Variants in LYAR observed in about 807,000 individuals in gnomAD.
The protein encoded by LYAR is cell growth-regulating nucleolar protein.
A neutral mutation model predicts 45.2 loss-of-function variants in LYAR; 37 were observed. The observed-to-expected ratio is 0.82, with a 90% CI of 0.63 to 1.08. LYAR has a LOEUF of 1.08. Ranked by LOEUF, LYAR falls within the 50% of genes least tolerant of loss-of-function variation. The pLI is 0.00. For missense variants in LYAR, 493 were observed against 451.0 expected (o/e 1.09, Z -0.84); for synonymous variants, 176 against 155.1 (o/e 1.14, Z -1.00).
chr4:4,271,925 C>T (rs1286960755), intron 8 of LYAR, among the ~76,000 whole-genome samples: 1 of 152,234 alleles, frequency 6.6e-6, no homozygotes, highest in Non-Finnish European at 1.5e-5. Flanking sequence ...GAATATTGGT[C>T]AGTTCAGCAA....
At chr4:4,271,656 T>C (rs1298474948) in intron 8 of LYAR, among the ~76,000 whole-genome samples, 4 of 152,230 alleles carry the variant, frequency 2.6e-5, no homozygotes, top group Non-Finnish European at 5.9e-5. Flanking sequence ...TTCCTTTTTC[T>C]CCACATCCTC....
intron 9 of LYAR, 150 bp from the exon 10 acceptor site, chr4:4,268,173 C>A (rs543891500): frequency 9.5e-6 from 6 of 630,608 alleles, no homozygotes; most frequent in Non-Finnish European, 1.5e-5. Context: ...AAAACCCAGG[C>A]GGCAGCCACG....
At chr4:4,281,960 C>T (rs1319629829) in intron 3 of LYAR, 63 bp from the exon 4 acceptor site, 5 of 947,392 alleles carry the variant, frequency 5.3e-6, no homozygotes, top group Non-Finnish European at 8.6e-6. Context: ...CTAATACCAG[C>T]ATGCTGCCAC....
chr4:4,288,845 C>T (rs1451643342), intron 1 of LYAR, among the ~76,000 whole-genome samples: 2 of 152,182 alleles, frequency 1.3e-5, no homozygotes, highest in South Asian at 2.1e-4. Context: ...ACATCATTAC[C>T]ACCACTACCA....
rs558004684 is a variant in LYAR at position 4,272,809 on chromosome 4, T to C, written c.919+774A>G. ...AACCCAATGCTGGCAGTCACTGAAC[T>C]CTGCTAATAAAGCTGCAGGCCCATT... On this transcript the variant is annotated intron_variant, in intron 8 of 9. Transcript: ENST00000343470. 1.2e-4 allele frequency among the ~76,000 whole-genome samples: 19 copies of C among 152,344 alleles called. No homozygotes were observed. The South Asian group carries it at 3.7e-3, about 30-fold the overall frequency.
chr4:4,284,848 C>T (rs1217490251), intron 2 of LYAR, among the ~76,000 whole-genome samples: 1 of 152,138 alleles, frequency 6.6e-6, no homozygotes, highest in African/African-American at 2.4e-5. Flanking sequence ...AGGTGAGGGT[C>T]AAGTAAACCG....
intron 1 of LYAR, among the ~76,000 whole-genome samples, chr4:4,286,988 T>A (rs2108853525): frequency 6.6e-6 from 1 of 152,322 alleles, no homozygotes; most frequent in South Asian, 2.1e-4. Context: ...CAAGTTTGGA[T>A]CATTTATGCT....
In LYAR at chr4:4,274,737, T is replaced by G. The variant is rs1374452106; in HGVS notation, c.462A>C (p.Pro154=). 2 of 1,610,716 alleles carry G rather than the reference T, an allele frequency of 1.2e-6. No individual in the cohort carries two copies. The highest frequency in any genetic ancestry group is 1.7e-6 in the Non-Finnish European group (2 of 1,179,272). ...EPVNKEQDQR[P]LHPVANPHAE... is the part of the protein sequence containing the mutation. ...CATGTGGATTTGCCACTGGGTGGAG[T>G]GGCCGTTGATCCTGTTCCTTATTGA... is the stretch of plus-strand genomic sequence containing the variant. Residue 154 remains proline (P), a synonymous_variant, in exon 7 of 10, where the codon CCA becomes CCC. Coordinates refer to ENST00000343470, the MANE Select transcript of LYAR (RefSeq NM_017816.3).
At chr4:4,281,981 G>T in intron 3 of LYAR, 84 bp from the exon 4 acceptor site, 1 of 796,674 alleles carries the variant, frequency 1.3e-6, no homozygotes, top group Non-Finnish European at 2.2e-6. Context: ...TATCTTCTGT[G>T]GTCTACACTG....
Position 4,274,531 on chromosome 4 carries a change from C to A in LYAR, c.668G>T (p.Arg223Leu). ...AAGGTCAGCCTCCTGTCCCTTTTTG[C>A]GCTTCTTAGGCTTCTGATTCCTTGA... ...ENSRNQKPKK[R>L]KKGQEADLEA... The change falls in exon 7 of 10, where the codon CGC becomes CTC. Residue 223 changes from arginine to leucine, a missense_variant. Physicochemically the swap from Arg to Leu is moderately radical, Grantham distance 102 (BLOSUM62 -2). Transcript: ENST00000343470. 1 of 1,614,170 alleles carries A rather than the reference C, an allele frequency of 6.2e-7. No homozygotes were observed. Among genetic ancestry groups the A allele is most frequent in the South Asian group, 1.1e-5 (1 of 91,082 alleles).
rs750777786 is a variant in LYAR at position 4,274,435 on chromosome 4, C to A, written c.764G>T (p.Arg255Leu). ...CTCTTCCTCACTGGCGCTGTCCTTGCGCTGCTTCTTCTTCTTGCTCCTCTT... is the reference window on the plus strand; with the variant it reads ...CTCTTCCTCACTGGCGCTGTCCTTGAGCTGCTTCTTCTTCTTGCTCCTCTT... ...AGKRSKKKKQRKDSASEEEAR... is the reference protein window; with the variant it reads ...AGKRSKKKKQLKDSASEEEAR... The change falls in exon 7 of 10, where the codon CGC becomes CTC. Residue 255 changes from arginine to leucine, a missense_variant. Arg to Leu is a moderately radical substitution (Grantham distance 102). Coordinates refer to ENST00000343470, the MANE Select transcript of LYAR (RefSeq NM_017816.3). 9 of 1,613,932 alleles carry A rather than the reference C, an allele frequency of 5.6e-6. No individual in the cohort carries two copies. The highest frequency in any genetic ancestry group is 5.0e-5 in the Admixed American group (3 of 59,998).
intron 2 of LYAR, 41 bp from the exon 3 acceptor site, chr4:4,283,836 C>G: frequency 1.1e-6 from 1 of 944,064 alleles, no homozygotes; most frequent in Non-Finnish European, 1.5e-6. Flanking sequence ...ACTGAAACTT[C>G]TCATTTCAAT....
chr4:4,272,936 C>G (rs1222552250), intron 8 of LYAR, among the ~76,000 whole-genome samples: 1 of 152,036 alleles, frequency 6.6e-6, no homozygotes, highest in Non-Finnish European at 1.5e-5. Context: ...GTGCTTCAGG[C>G]CTGAAGAAGC....
intron 3 of LYAR, among the ~76,000 whole-genome samples, chr4:4,282,867 T>C (rs1372359920): frequency 6.6e-6 from 1 of 152,142 alleles, no homozygotes; most frequent in Non-Finnish European, 1.5e-5. Flanking sequence ...GGACATAGTT[T>C]CCTCTGCTAC....
At chr4:4,281,645 G>C (rs950362220) in intron 4 of LYAR, 138 bp downstream of exon 4, 9 of 668,310 alleles carry the variant, frequency 1.3e-5, no homozygotes, top group East Asian at 2.5e-5. Context: ...AGAGGTTTTA[G>C]TTCAACCTGT....
intron 8 of LYAR, among the ~76,000 whole-genome samples, chr4:4,269,276 C>T (rs1166736339): frequency 6.6e-6 from 1 of 152,208 alleles, no homozygotes; most frequent in Non-Finnish European, 1.5e-5. Context: ...CAGAAGCCTG[C>T]TCTCTTGGCA....
intron 4 of LYAR, among the ~76,000 whole-genome samples, chr4:4,280,776 C>T (rs983101284): frequency 3.3e-5 from 5 of 152,328 alleles, no homozygotes; most frequent in Admixed American, 6.5e-5. Context: ...AATACCCTCC[C>T]AGTAGTATGC....
At chr4:4,289,018 G>C (rs1232155403) in intron 1 of LYAR, among the ~76,000 whole-genome samples, 1 of 152,160 alleles carries the variant, frequency 6.6e-6, no homozygotes, top group Non-Finnish European at 1.5e-5. Context: ...TCCACGGGTA[G>C]CATTCTGAGA....
Position 4,268,541 on chromosome 4 carries a change from G to C in LYAR, c.994C>G (p.Leu332Val). The C allele has an allele frequency of 1.2e-6, 2 of 1,610,818 alleles. No individual in the cohort carries two copies. The highest frequency in any genetic ancestry group is 1.1e-5 in the South Asian group (1 of 90,494). ...TTCATATGCCATACCTTTTTCCTTA[G>C]CTTTTTGATGGTTATTTCATTGTCT... ...APDNEITIKK[L>V]RKKVLAQYYT... Residue 332 changes from leucine (L) to valine (V), a missense_variant, in exon 9 of 10, where the codon CTA (leucine) becomes GTA (valine). Coordinates refer to ENST00000343470, the MANE Select transcript of LYAR (RefSeq NM_017816.3).
Sources: allele counts gnomAD v4.1 joint callset (sites outside exome capture counted in the v4.1 genomes callset), GRCh38; gene constraint gnomAD v4.1.1; transcripts MANE v1.5; gene names NCBI Gene and HGNC (gene_info 2026-07-23, HGNC 2026-07-21).